Variants in RAB38 observed in about 807,000 individuals in gnomAD.
RAB38 encodes RAB38, member RAS oncogene family, also known as ras-related protein Rab-38.
Under a neutral mutation model 18.4 loss-of-function variants are expected in RAB38, and 15 were observed. That is an observed-to-expected ratio of 0.82 (90% confidence interval 0.55 to 1.26). The LOEUF (loss-of-function observed/expected upper bound fraction) is 1.26. Among genes scored for constraint, RAB38 ranks in the 50% most tolerant of loss-of-function variants. The pLI is 0.00. For missense variants in RAB38, 294 were observed against 267.4 expected (o/e 1.10, Z -0.69); for synonymous variants, 101 against 104.4 (o/e 0.97, Z 0.20).
the RAB38 span, among the ~76,000 whole-genome samples, chr11:87,859,839 G>GA: frequency 6.6e-6 from 1 of 152,060 alleles, no homozygotes; most frequent in African/African-American, 2.4e-5. Context: ...GGTAGTGGCA[G>GA]AAAGATTTTA....
At chr11:88,022,623 A>AC in the RAB38 span, among the ~76,000 whole-genome samples, 10 of 150,120 alleles carry the variant, frequency 6.7e-5, no homozygotes, top group African/African-American at 1.7e-4. Context: ...AAAAAAAAAA[A>AC]AAAAAAAAAC....
At chr11:87,952,090 G>T in the RAB38 span, among the ~76,000 whole-genome samples, 1 of 152,054 alleles carries the variant, frequency 6.6e-6, no homozygotes, top group East Asian at 1.9e-4. Context: ...CAGTGGGTAA[G>T]GTCCTGGGAG....
chr11:88,068,100 GACC>G, the RAB38 span, among the ~76,000 whole-genome samples: 1 of 151,394 alleles, frequency 6.6e-6, no homozygotes, highest in Non-Finnish European at 1.5e-5. Flanking sequence ...TCCTCGAAAA[GACC>G]TACTGAAATC....
At chr11:87,910,628 A>ATTTTTTTTT in the RAB38 span, among the ~76,000 whole-genome samples, 1 of 74,192 alleles carries the variant, frequency 1.3e-5, no homozygotes, top group African/African-American at 6.0e-5. Context: ...TTCAAAGTTC[A>ATTTTTTTTT]TTTTCTTTTT....
the RAB38 span, among the ~76,000 whole-genome samples, chr11:87,968,772 T>C: frequency 2.0e-5 from 3 of 152,152 alleles, no homozygotes; most frequent in Admixed American, 6.6e-5. Flanking sequence ...AAAGAGTTGA[T>C]ATTTTGAGCA....
At chr11:87,876,082 C>T in the RAB38 span, among the ~76,000 whole-genome samples, 51 of 151,500 alleles carry the variant, frequency 3.4e-4, no homozygotes, top group African/African-American at 2.4e-4. Context: ...CCAAACTCTA[C>T]GTTTAATTAT....
At chr11:87,966,189 G>C in the RAB38 span, among the ~76,000 whole-genome samples, 1 of 152,136 alleles carries the variant, frequency 6.6e-6, no homozygotes, top group African/African-American at 2.4e-5. Context: ...ATAGTAGCCT[G>C]AGAAAATGTG....
At chr11:88,029,284 T>G in the RAB38 span, among the ~76,000 whole-genome samples, 1 of 151,468 alleles carries the variant, frequency 6.6e-6, no homozygotes, top group Non-Finnish European at 1.5e-5. Flanking sequence ...CATGCCAAAA[T>G]GTAAAGACCA....
chr11:87,824,278 A>T, the RAB38 span, among the ~76,000 whole-genome samples: 2 of 152,204 alleles, frequency 1.3e-5, no homozygotes, highest in African/African-American at 2.4e-5. Flanking sequence ...GAAAATATCT[A>T]CAGATGCTAA....
At chr11:88,076,577 C>A in the RAB38 span, among the ~76,000 whole-genome samples, 1 of 152,052 alleles carries the variant, frequency 6.6e-6, no homozygotes, top group Admixed American at 6.6e-5. Flanking sequence ...TGTAACATTG[C>A]AGGATATAAA....
At chr11:87,960,636 T>C in the RAB38 span, among the ~76,000 whole-genome samples, 1 of 152,198 alleles carries the variant, frequency 6.6e-6, no homozygotes, top group African/African-American at 2.4e-5. Context: ...GCCATCCTTG[T>C]TACTTGTACT....
chr11:87,841,853 G>A, the RAB38 span, among the ~76,000 whole-genome samples: 6 of 152,188 alleles, frequency 3.9e-5, no homozygotes, highest in African/African-American at 1.2e-4. Flanking sequence ...CACTCCACCT[G>A]TAGTTTACTC....
chr11:87,841,193 T>G, the RAB38 span, among the ~76,000 whole-genome samples: 2 of 152,182 alleles, frequency 1.3e-5, no homozygotes, highest in African/African-American at 4.8e-5. Context: ...AATCTCACCT[T>G]GAATTGTAGT....
At chr11:87,828,151 CATTT>C in the RAB38 span, among the ~76,000 whole-genome samples, 3 of 152,096 alleles carry the variant, frequency 2.0e-5, no homozygotes, top group Non-Finnish European at 4.4e-5. Context: ...CAAAATAAAA[CATTT>C]ATTAAAAATA....
the RAB38 span, among the ~76,000 whole-genome samples, chr11:88,042,678 G>A: frequency 8.5e-5 from 13 of 152,176 alleles, no homozygotes; most frequent in Admixed American, 5.9e-4. Flanking sequence ...CCAGTAGGAC[G>A]CAGGCTGCCT....
the RAB38 span, among the ~76,000 whole-genome samples, chr11:87,970,416 G>C: frequency 1.3e-5 from 2 of 151,660 alleles, no homozygotes; most frequent in East Asian, 3.9e-4. Context: ...CACTAATTTT[G>C]CTTTTTAAAA....
the RAB38 span, among the ~76,000 whole-genome samples, chr11:87,848,253 A>G: frequency 6.6e-6 from 1 of 152,162 alleles, no homozygotes; most frequent in African/African-American, 2.4e-5. Flanking sequence ...GACAGCCAGC[A>G]TCCAGTTTCC....
the RAB38 span, among the ~76,000 whole-genome samples, chr11:87,912,761 T>TC: frequency 1.1e-5 from 1 of 92,150 alleles, no homozygotes; most frequent in African/African-American, 3.5e-5. Context: ...TAATTTTCTT[T>TC]CTTTCTTTTT....
the RAB38 span, among the ~76,000 whole-genome samples, chr11:88,008,293 C>G: frequency 1.3e-5 from 2 of 151,948 alleles, no homozygotes; most frequent in Non-Finnish European, 2.9e-5. Context: ...TATATTATAG[C>G]TAAAATTAAA....
Sources: allele counts gnomAD v4.1 joint callset (sites outside exome capture counted in the v4.1 genomes callset), GRCh38; gene constraint gnomAD v4.1.1; transcripts MANE v1.5; gene names NCBI Gene and HGNC (gene_info 2026-07-23, HGNC 2026-07-21).